The following XRN2 variants were observed in gnomAD, a reference collection of about 807,000 sequenced individuals.
XRN2 encodes 5'-3' exoribonuclease 2.
XRN2 carries 44 observed loss-of-function variants against 138.5 expected under a neutral mutation model. That is an observed-to-expected ratio of 0.32 (90% CI 0.25 to 0.41). The LOEUF (loss-of-function observed/expected upper bound fraction) is 0.41, where lower values mean the gene tolerates loss of function less well. Ranked by LOEUF, XRN2 falls within the 10% of genes least tolerant of loss-of-function variation. The probability of loss-of-function intolerance (pLI) is 1.00; values close to 1 mark genes in which losing one functional copy is unlikely to be tolerated. For missense variants in XRN2, 937 were observed against 1,169.3 expected (o/e 0.80, Z 2.90); for synonymous variants, 354 against 369.4 (o/e 0.96, Z 0.48).
intron 27 of XRN2, among the ~76,000 whole-genome samples, chr20:21,370,150 A>G (rs1352378403): frequency 6.6e-6 from 1 of 152,210 alleles, no homozygotes; most frequent in Non-Finnish European, 1.5e-5. Context: ...TCCTTTGTCG[A>G]AAATGAGTTC....
At chr20:21,356,253 CATT>C (rs2038575192) in intron 22 of XRN2, 76 bp downstream of exon 22, 1 of 1,112,534 alleles carries the variant, frequency 9.0e-7, no homozygotes, top group African/African-American at 1.6e-5. Context: ...TAAAATTTAC[CATT>C]ATAACCATTT....
Position 21,319,885 on chromosome 20 carries a change from C to A in XRN2, c.76-6394C>A, listed in dbSNP as rs548795041. On this transcript the variant is annotated intron_variant, in intron 1 of 29. Coordinates refer to ENST00000377191, the MANE Select transcript of XRN2 (RefSeq NM_012255.5). ...TATATTACACATATATTACATTCTGCCTTATAAGCTCAACATTATACTATG... is the reference window on the plus strand; with the variant it reads ...TATATTACACATATATTACATTCTGACTTATAAGCTCAACATTATACTATG... Among the ~76,000 whole-genome samples the A allele has an allele frequency of 1.6e-4, 24 of 152,210 alleles. No homozygotes were observed. The South Asian group carries it at 4.8e-3, about 30-fold the overall frequency.
intron 13 of XRN2, among the ~76,000 whole-genome samples, chr20:21,338,045 A>G (rs1474800098): frequency 1.3e-5 from 2 of 152,206 alleles, no homozygotes; most frequent in Non-Finnish European, 2.9e-5. Context: ...GCTCCACTTT[A>G]GAGCAGGAGA....
At chr20:21,366,422 C>T (rs964591506) in intron 26 of XRN2, among the ~76,000 whole-genome samples, 6 of 150,438 alleles carry the variant, frequency 4.0e-5, no homozygotes, top group African/African-American at 1.5e-4. Flanking sequence ...TGGTGGCAGG[C>T]GCCTGGCGCC....
At chr20:21,359,701 C>T (rs1010465378) in intron 24 of XRN2, among the ~76,000 whole-genome samples, 6 of 152,074 alleles carry the variant, frequency 3.9e-5, no homozygotes, top group Admixed American at 3.3e-4. Flanking sequence ...CTCTGAAGGG[C>T]GGCAACATTG....
Position 21,368,525 on chromosome 20 carries a change from C to G in XRN2, c.2519C>G (p.Thr840Ser). 6.2e-7 allele frequency: 1 copy of G among 1,614,096 alleles called. No individual in the cohort carries two copies. The highest frequency in any genetic ancestry group is 1.3e-5 in the African/African-American group (1 of 75,030). The change falls in exon 27 of 30, where the codon ACT (threonine) becomes AGT (serine). Residue 840 changes from threonine (T) to serine (S), a missense_variant. Thr to Ser is a moderately conservative substitution (Grantham distance 58, BLOSUM62 1). This residue lies in a region of XRN2 where 372 missense variants were observed against 414.4 expected (regional missense o/e 0.90). Transcript: ENST00000377191. ...IYSNAAPPPV[T>S]YQGNLYRPLL... ...AGCAATGCTGCACCACCACCTGTGA[C>G]TTACCAGGGAAACTTATACAGGCCG...
At chr20:21,348,108 G>A in intron 17 of XRN2, 38 bp from the exon 18 acceptor site, 1 of 1,557,184 alleles carries the variant, frequency 6.4e-7, no homozygotes, top group Non-Finnish European at 8.7e-7. Context: ...CATTAACATA[G>A]GTTTTTGATT....
chr20:21,368,013 T>C (rs2038721979), intron 26 of XRN2, among the ~76,000 whole-genome samples: 2 of 152,174 alleles, frequency 1.3e-5, no homozygotes, highest in African/African-American at 4.8e-5. Context: ...GTATAAGACA[T>C]CAACATAGTA....
intron 27 of XRN2, among the ~76,000 whole-genome samples, chr20:21,378,035 G>C (rs2038845350): frequency 6.6e-6 from 1 of 152,144 alleles, no homozygotes; most frequent in African/African-American, 2.4e-5. Context: ...ATTTTTATCT[G>C]ATCCCTTCTC....
At position 21,357,643 on chromosome 20, in the gene XRN2, T is replaced by C. The variant is rs533366278; in HGVS notation, c.2199-93T>C. The C allele has an allele frequency of 6.8e-6, 7 of 1,029,060 alleles. No individual in the cohort carries two copies. The South Asian group carries it at 1.2e-4, about 18-fold the overall frequency. 63.7% of individuals were successfully genotyped at this position (1,029,060 alleles called of 1,614,324 possible). ...TAGTGCATTCTAATGATTTATCTTTTCTAAAGACTAACAAACATAGCAACA... is the reference window on the plus strand; with the variant it reads ...TAGTGCATTCTAATGATTTATCTTTCCTAAAGACTAACAAACATAGCAACA... On this transcript the variant is annotated intron_variant, in intron 23 of 29. Coordinates refer to ENST00000377191, the MANE Select transcript of XRN2 (RefSeq NM_012255.5).
intron 15 of XRN2, among the ~76,000 whole-genome samples, chr20:21,342,790 G>A (rs941771697): frequency 1.3e-5 from 2 of 152,166 alleles, no homozygotes; most frequent in South Asian, 4.1e-4. Context: ...GGCTCACAGA[G>A]GTTAAGTAAT....
chr20:21,356,646 G>T lies in XRN2; in HGVS notation c.2179G>T (p.Glu727Ter). 1 of 1,613,668 alleles carries T rather than the reference G, an allele frequency of 6.2e-7. No individual in the cohort carries two copies. ...GIQGKFSLDE[E>*]AILPDQIVCS... ...TCAAGGAAAGTTTTCTTTGGATGAA[G>T]AAGCCATTCTTCCAGATCAGTAAGT... The change falls in exon 23 of 30, where the codon GAA (glutamate) becomes TAA (stop). Residue 727 changes from glutamate to a stop codon, truncating the protein, a stop_gained. Coordinates refer to ENST00000377191, the MANE Select transcript of XRN2 (RefSeq NM_012255.5). LOFTEE classifies it high-confidence loss of function.
At chr20:21,363,307 A>G (rs2038658664) in intron 24 of XRN2, among the ~76,000 whole-genome samples, 1 of 152,120 alleles carries the variant, frequency 6.6e-6, no homozygotes, top group African/African-American at 2.4e-5. Context: ...CGTGCATGCG[A>G]TAGGTATTCT....
chr20:21,358,740 G>A (rs1261875935), intron 24 of XRN2, among the ~76,000 whole-genome samples: 3 of 152,158 alleles, frequency 2.0e-5, no homozygotes, highest in Non-Finnish European at 2.9e-5. Context: ...TTCTGGATGA[G>A]TTGCTTACGT....
intron 9 of XRN2, among the ~76,000 whole-genome samples, chr20:21,332,858 AT>A (rs2038232124): frequency 6.6e-6 from 1 of 152,126 alleles, no homozygotes; most frequent in Non-Finnish European, 1.5e-5. Flanking sequence ...TGTGGAAGTT[AT>A]TTGTTTGAAA....
chr20:21,364,244 GT>G (rs1360282277), intron 24 of XRN2, among the ~76,000 whole-genome samples: 1 of 152,106 alleles, frequency 6.6e-6, no homozygotes, highest in Non-Finnish European at 1.5e-5. Flanking sequence ...GGAAGGACTA[GT>G]TTTTTTAACC....
chr20:21,369,869 C>T (rs1353658070), intron 27 of XRN2, among the ~76,000 whole-genome samples: 1 of 152,068 alleles, frequency 6.6e-6, no homozygotes, highest in African/African-American at 2.4e-5. Flanking sequence ...AGCTTTTTAA[C>T]TTGATGTGAT....
chr20:21,339,748 A>G (rs2122231417), intron 14 of XRN2, among the ~76,000 whole-genome samples: 1 of 151,970 alleles, frequency 6.6e-6, no homozygotes. Flanking sequence ...CTTTCTTTTA[A>G]CTCTGGTGCT....
intron 1 of XRN2, among the ~76,000 whole-genome samples, chr20:21,320,530 A>G (rs2038024748): frequency 6.6e-6 from 1 of 151,764 alleles, no homozygotes; most frequent in South Asian, 2.1e-4. Context: ...CGATCTCCTG[A>G]CATCGTGATC....
Sources: allele counts gnomAD v4.1 joint callset (sites outside exome capture counted in the v4.1 genomes callset), GRCh38; gene constraint gnomAD v4.1.1; regional missense constraint gnomAD v4.1.1; transcripts MANE v1.5; gene names NCBI Gene and HGNC (gene_info 2026-07-23, HGNC 2026-07-21).